IP6K2: variants seen among roughly 807,000 people sequenced by gnomAD.
IP6K2 encodes the protein inositol hexakisphosphate kinase 2, also known as ATP:1D-myo-inositol-hexakisphosphate phosphotransferase.
IP6K2 carries 9 observed loss-of-function variants against 43.3 expected under a neutral mutation model. That is an observed-to-expected ratio of 0.21 (90% CI 0.13 to 0.36). IP6K2 has a LOEUF of 0.36. Among genes scored for constraint, IP6K2 ranks in the 10% least tolerant of loss-of-function variants. IP6K2 has a pLI of 1.00. For missense variants in IP6K2, 332 were observed against 538.4 expected (o/e 0.62, Z 3.79); for synonymous variants, 209 against 202.4 (o/e 1.03, Z -0.28).
chr3:48,700,962 A>G (rs1309287367), intron 1 of IP6K2, among the ~76,000 whole-genome samples: 4 of 152,228 alleles, frequency 2.6e-5, no homozygotes, highest in Non-Finnish European at 4.4e-5. Flanking sequence ...TGCCTCATAC[A>G]TTGCTGGTAG....
At position 48,690,682 on chromosome 3, in the gene IP6K2, G is replaced by C. The variant is rs61573738; in HGVS notation, c.604+625C>G. ...CGGATGCCTGTAATCCCAACTACTT[G>C]GGTGGCTGAGGCATGAGAATCGCTT... On this transcript the variant is annotated intron_variant, in intron 4 of 5. Coordinates refer to ENST00000328631, the MANE Select transcript of IP6K2 (RefSeq NM_016291.4). 6.0e-3 allele frequency among the ~76,000 whole-genome samples: 919 copies of C among 151,980 alleles called. 10 individuals are homozygous for C. The highest frequency in any genetic ancestry group is 0.021 in the African/African-American group (878 of 41,442).
chr3:48,712,814 C>T (rs752212192), intron 1 of IP6K2, among the ~76,000 whole-genome samples: 10 of 151,878 alleles, frequency 6.6e-5, no homozygotes, highest in Admixed American at 1.3e-4. Context: ...GTCAGGAGTT[C>T]GAGACCAGCC....
In IP6K2 at chr3:48,693,143, C is replaced by T. The variant is rs891026614; in HGVS notation, c.239G>A (p.Arg80Lys). ...VSVRFEEDED[R>K]NLCLIAYPLK... Reference sequence around the variant, plus strand: ...TGGATATGCTATTAGACACAAGTTCCTGTCTTCATCTTCTTCAAAGCGCAC... The same window carrying T: ...TGGATATGCTATTAGACACAAGTTCTTGTCTTCATCTTCTTCAAAGCGCAC... The change falls in exon 3 of 6, where the codon AGG becomes AAG. Residue 80 changes from arginine to lysine, a missense_variant. Physicochemically the swap from Arg to Lys is conservative, Grantham distance 26 (BLOSUM62 2). Coordinates refer to ENST00000328631, the MANE Select transcript of IP6K2 (RefSeq NM_016291.4). The T allele has an allele frequency of 1.2e-6, 2 of 1,614,064 alleles. No individual in the cohort carries two copies. Among genetic ancestry groups the T allele is most frequent in the Non-Finnish European group, 1.7e-6 (2 of 1,180,020 alleles).
chr3:48,706,640 G>C (rs1458083970), intron 1 of IP6K2, among the ~76,000 whole-genome samples: 1 of 152,086 alleles, frequency 6.6e-6, no homozygotes, highest in Non-Finnish European at 1.5e-5. Context: ...AAGAGTTCAA[G>C]ACCAGCCTGA....
chr3:48,693,998 T>G (rs1315291855), intron 2 of IP6K2: 1 of 1,378,916 alleles, frequency 7.3e-7, no homozygotes, highest in Admixed American at 3.5e-5. Context: ...TACAAACGAC[T>G]GGCTGAACAC....
chr3:48,690,956 T>A (rs1274287112), intron 4 of IP6K2, among the ~76,000 whole-genome samples: 2 of 152,136 alleles, frequency 1.3e-5, no homozygotes, highest in Non-Finnish European at 2.9e-5. Context: ...AGGTGAGCAA[T>A]GTTTTCAGAC....
chr3:48,708,321 A>C (rs2107007419), intron 1 of IP6K2: 1 of 152,278 alleles, frequency 6.6e-6, no homozygotes, highest in Admixed American at 6.5e-5. Context: ...TAGAATTATA[A>C]AGAATTTAAG....
At chr3:48,694,944 C>T (rs772019329) in intron 2 of IP6K2, 146 bp downstream of exon 2, 32 of 1,566,148 alleles carry the variant, frequency 2.0e-5, no homozygotes, top group Non-Finnish European at 2.8e-5. Context: ...GGGCTGAGGG[C>T]CAGGAGGAGG....
chr3:48,697,486 C>CTTTTTT (rs1448281394), intron 1 of IP6K2, among the ~76,000 whole-genome samples: 1 of 67,836 alleles, frequency 1.5e-5, no homozygotes, highest in Non-Finnish European at 2.8e-5. Flanking sequence ...CCATGCCTGG[C>CTTTTTT]TATTTTTTTT....
chr3:48,695,292 C>T lies in IP6K2; in HGVS notation c.-1G>A, dbSNP rs540601199. On this transcript the variant is annotated 5_prime_UTR_variant, in exon 2 of 6. Coordinates refer to ENST00000328631, the MANE Select transcript of IP6K2 (RefSeq NM_016291.4). This position sits in a 1 kb window ranked among gnomAD's most constrained non-coding sequence, Gnocchi z 4.6. ...CCATGGCCCTGAAGGCTGGGCTCAT[C>T]CTCCGGGCGCAGATGGCGGGGAGAT... 3 of 1,599,204 alleles carry T rather than the reference C, an allele frequency of 1.9e-6. No individual in the cohort carries two copies. The highest frequency in any genetic ancestry group is 2.2e-5 in the South Asian group (2 of 90,186).
intron 1 of IP6K2, among the ~76,000 whole-genome samples, chr3:48,710,767 G>A (rs781738722): frequency 6.6e-6 from 1 of 152,014 alleles, no homozygotes; most frequent in East Asian, 1.9e-4. Context: ...CCACCACCAC[G>A]CCCGGCTAAT....
intron 1 of IP6K2, among the ~76,000 whole-genome samples, chr3:48,709,786 G>A (rs1245550863): frequency 4.0e-5 from 6 of 150,808 alleles, no homozygotes; most frequent in South Asian, 4.2e-4. Context: ...GCAGTGAGCC[G>A]AGATCGCACC....
intron 1 of IP6K2, among the ~76,000 whole-genome samples, chr3:48,701,649 G>A (rs957005209): frequency 6.8e-6 from 1 of 147,398 alleles, no homozygotes; most frequent in Non-Finnish European, 1.5e-5. Flanking sequence ...TGTAATTCCA[G>A]CACTTTGGGA....
intron 1 of IP6K2, among the ~76,000 whole-genome samples, chr3:48,709,666 G>T (rs907176248): frequency 1.3e-5 from 2 of 151,944 alleles, no homozygotes; most frequent in African/African-American, 4.8e-5. Context: ...GTGAAACCCC[G>T]TCTCTACTAA....
intron 1 of IP6K2, among the ~76,000 whole-genome samples, chr3:48,713,576 C>T (rs2080805981): frequency 6.6e-6 from 1 of 152,212 alleles, no homozygotes; most frequent in South Asian, 2.1e-4. Context: ...AGAAGTTTTA[C>T]TCTTCCTTAG....
chr3:48,701,195 C>A (rs988393131), intron 1 of IP6K2, among the ~76,000 whole-genome samples: 4 of 151,926 alleles, frequency 2.6e-5, no homozygotes, highest in African/African-American at 9.7e-5. Flanking sequence ...CATGGTGAAA[C>A]CCCATCTCTA....
chr3:48,688,657 C>A lies in IP6K2; in HGVS notation c.897G>T (p.Leu299=). The A allele has an allele frequency of 6.2e-7, 1 of 1,614,210 alleles. No individual in the cohort carries two copies. Among genetic ancestry groups the A allele is most frequent in the South Asian group, 1.1e-5 (1 of 91,076 alleles). The change falls in exon 6 of 6, where the codon CTG becomes CTT. Residue 299 remains leucine, a synonymous_variant. Transcript: ENST00000328631. This position sits in a 1 kb window ranked among gnomAD's most constrained non-coding sequence, Gnocchi z 5.1. The part of the protein sequence containing the change: ...LFQFFHNGRY[L]RRELLGPVLK... The stretch of plus-strand genomic sequence containing the variant: ...GCACAGGGCCCAGGAGTTCACGGCG[C>A]AGGTACCGCCCATTGTGGAAGAACT...
chr3:48,690,516 G>A (rs1435756598), intron 4 of IP6K2, among the ~76,000 whole-genome samples: 1 of 152,260 alleles, frequency 6.6e-6, no homozygotes, highest in South Asian at 2.1e-4. Context: ...AGGGCTGGGC[G>A]TGGTGGTTCA....
chr3:48,710,165 T>C (rs938715158), intron 1 of IP6K2, among the ~76,000 whole-genome samples: 5 of 152,078 alleles, frequency 3.3e-5, no homozygotes, highest in Admixed American at 6.5e-5. Context: ...GGCGGGAGGA[T>C]TGCTAGAGCT....
Sources: gnomAD v4.1 joint callset for allele counts (sites outside exome capture counted in the v4.1 genomes callset) on GRCh38, gnomAD v4.1.1 for gene constraint, Gnocchi (gnomAD v3.1) non-coding constraint, MANE v1.5 for transcripts, NCBI Gene and HGNC (gene_info 2026-07-23, HGNC 2026-07-21) for gene names.